ARHGEF28: variants seen among roughly 807,000 people sequenced by gnomAD.
ARHGEF28 encodes 190 kDa guanine nucleotide exchange factor.
Under a neutral mutation model 206.6 loss-of-function variants are expected in ARHGEF28, and 152 were observed. The ratio of observed to expected loss-of-function variants is 0.74; its 90% CI spans 0.64 to 0.84. The LOEUF (loss-of-function observed/expected upper bound fraction) is 0.84. ARHGEF28 is among the 40% of genes least tolerant of loss of function. ARHGEF28 has a pLI of 0.00. For synonymous variants in ARHGEF28, 763 were observed against 776.4 expected (o/e 0.98, Z 0.29); for missense variants, 2,028 against 2,073.2 (o/e 0.98, Z 0.42).
At chr5:73,753,813 T>C (rs1281904201) in intron 4 of ARHGEF28, among the ~76,000 whole-genome samples, 1 of 152,204 alleles carries the variant, frequency 6.6e-6, no homozygotes, top group African/African-American at 2.4e-5. Context: ...AACTGATCAA[T>C]AGATGCTTTT....
intron 4 of ARHGEF28, among the ~76,000 whole-genome samples, chr5:73,763,688 T>A (rs149163848): frequency 1.3e-5 from 2 of 152,286 alleles, no homozygotes; most frequent in East Asian, 3.9e-4. Context: ...AGCAAATATC[T>A]GTTGAGTGAA....
At chr5:73,741,668 C>T (rs1230635529) in intron 2 of ARHGEF28, among the ~76,000 whole-genome samples, 1 of 151,642 alleles carries the variant, frequency 6.6e-6, no homozygotes, top group Non-Finnish European at 1.5e-5. Context: ...ATCCACCTGC[C>T]TCAACCTTCC....
chr5:73,879,044 C>T (rs950870724), intron 22 of ARHGEF28, among the ~76,000 whole-genome samples: 136 of 152,228 alleles, frequency 8.9e-4, no homozygotes, highest in African/African-American at 2.5e-3. Flanking sequence ...CCATTCTCCC[C>T]GTCACTTTCA....
At chr5:73,910,804 A>G (rs967246243) in intron 34 of ARHGEF28, among the ~76,000 whole-genome samples, 1 of 152,152 alleles carries the variant, frequency 6.6e-6, no homozygotes. Context: ...CGTCCCAGAA[A>G]TTTATTTTCC....
At position 73,886,435 on chromosome 5, in the gene ARHGEF28, A is replaced by T. The variant is rs149153931; in HGVS notation, c.3310+331A>T. ...TGTGGTGTGTTGAAAGCAAGGCAGT[A>T]CACCTACACACCTAGGGTCTGTTGC... On this transcript the variant is annotated intron_variant, in intron 25 of 35. Coordinates refer to ENST00000513042, the MANE Select transcript of ARHGEF28 (RefSeq NM_001177693.2). 2.0e-5 allele frequency among the ~76,000 whole-genome samples: 3 copies of T among 152,356 alleles called. No homozygotes were observed. In the East Asian group the frequency reaches 5.8e-4, roughly 29 times the overall value.
At chr5:73,812,179 T>C (rs1209196435) in intron 9 of ARHGEF28, among the ~76,000 whole-genome samples, 1 of 152,150 alleles carries the variant, frequency 6.6e-6, no homozygotes, top group Non-Finnish European at 1.5e-5. Context: ...CTCCCCTTTC[T>C]CCTCTTCTCC....
intron 2 of ARHGEF28, among the ~76,000 whole-genome samples, chr5:73,733,407 C>T (rs1750723852): frequency 6.6e-6 from 1 of 152,186 alleles, no homozygotes; most frequent in Admixed American, 6.5e-5. Context: ...TAAAGCTAAA[C>T]AGTGATAAGT....
intron 2 of ARHGEF28, among the ~76,000 whole-genome samples, chr5:73,734,298 A>C (rs904301520): frequency 6.6e-6 from 1 of 152,192 alleles, no homozygotes; most frequent in East Asian, 1.9e-4. Flanking sequence ...TGAAATTCAG[A>C]GGGACATCAT....
At chr5:73,695,082 G>T (rs1419664558) in intron 2 of ARHGEF28, among the ~76,000 whole-genome samples, 2 of 152,212 alleles carry the variant, frequency 1.3e-5, no homozygotes, top group Non-Finnish European at 2.9e-5. Context: ...GAAGGCCCTG[G>T]AGTGGAAATG....
chr5:73,909,781 C>T lies in ARHGEF28; in HGVS notation c.4531C>T (p.Gln1511Ter). ...QHSLERLREG[Q>*]RLVEREQARM... ...CAGCCTGGAGCGGCTGAGGGAGGGC[C>T]AGCGCCTGGTGGAGAGGGAGCAGGC... Residue 1511 changes from glutamine (Q) to a stop codon, truncating the protein, a stop_gained, in exon 34 of 36, where the codon CAG becomes TAG. Coordinates refer to ENST00000513042, the MANE Select transcript of ARHGEF28 (RefSeq NM_001177693.2). LOFTEE classifies it high-confidence loss of function. The T allele has an allele frequency of 1.1e-5, 17 of 1,517,142 alleles. No individual in the cohort carries two copies. Among genetic ancestry groups the T allele is most frequent in the Non-Finnish European group, 1.5e-5 (17 of 1,136,600 alleles). The allele number at this position is 1,517,142 out of a possible 1,614,324, so 94.0% of individuals were successfully genotyped here.
intron 2 of ARHGEF28, among the ~76,000 whole-genome samples, chr5:73,689,112 CTT>C (rs1198973874): frequency 6.6e-6 from 1 of 152,130 alleles, no homozygotes; most frequent in Non-Finnish European, 1.5e-5. Context: ...TAGAGATAAT[CTT>C]TTACATTTTA....
chr5:73,874,797 T>G (rs1760349177), intron 22 of ARHGEF28, among the ~76,000 whole-genome samples: 1 of 149,090 alleles, frequency 6.7e-6, no homozygotes, highest in Non-Finnish European at 1.5e-5. Flanking sequence ...ATGTGCCACA[T>G]TTTCTTAATC....
intron 1 of ARHGEF28, among the ~76,000 whole-genome samples, chr5:73,632,870 G>C (rs190329179): frequency 2.0e-5 from 3 of 152,160 alleles, no homozygotes; most frequent in Admixed American, 2.0e-4. Flanking sequence ...AATGGACTTT[G>C]GTGAGGGGGA....
intron 24 of ARHGEF28, 32 bp downstream of exon 24, chr5:73,883,916 C>G: frequency 1.4e-6 from 2 of 1,399,222 alleles, no homozygotes; most frequent in Non-Finnish European, 9.6e-7. Flanking sequence ...AAAAATTTGC[C>G]CCTCTTATTA....
intron 28 of ARHGEF28, 150 bp from the exon 29 acceptor site, chr5:73,894,243 C>T (rs1561492097): frequency 1.4e-6 from 1 of 719,752 alleles, no homozygotes; most frequent in African/African-American, 1.8e-5. Context: ...ATGGTCAGGA[C>T]TGAGACCTGC....
intron 1 of ARHGEF28, among the ~76,000 whole-genome samples, chr5:73,670,492 C>T (rs1308267604): frequency 1.3e-5 from 2 of 152,252 alleles, no homozygotes; most frequent in South Asian, 2.1e-4. Context: ...TTTGTGTGAA[C>T]ACATTTTATT....
chr5:73,716,398 G>A (rs1749581915), intron 2 of ARHGEF28, among the ~76,000 whole-genome samples: 1 of 152,190 alleles, frequency 6.6e-6, no homozygotes, highest in Non-Finnish European at 1.5e-5. Context: ...TACATAGCCT[G>A]TTGTGGCCTG....
At chr5:73,726,196 C>T (rs190812815) in intron 2 of ARHGEF28, among the ~76,000 whole-genome samples, 14 of 152,248 alleles carry the variant, frequency 9.2e-5, no homozygotes, top group Non-Finnish European at 1.9e-4. Flanking sequence ...CAGTGAAAAG[C>T]TCACTGCCAG....
At chr5:73,862,955 C>T (rs1013316865) in intron 16 of ARHGEF28, 13 of 150,500 alleles carry the variant, frequency 8.6e-5, no homozygotes, top group Admixed American at 7.3e-4. Context: ...TGATCTGAAA[C>T]TTCATGTACC....
Sources: gnomAD v4.1 joint callset for allele counts (sites outside exome capture counted in the v4.1 genomes callset) on GRCh38, gnomAD v4.1.1 for gene constraint, MANE v1.5 for transcripts, NCBI Gene and HGNC (gene_info 2026-07-23, HGNC 2026-07-21) for gene names.